The following CHRNA3 variants were observed in gnomAD, a reference collection of about 807,000 sequenced individuals.
The protein encoded by CHRNA3 is cholinergic receptor nicotinic alpha 3 subunit.
A neutral mutation model predicts 41.9 loss-of-function variants in CHRNA3; 34 were observed. The ratio of observed to expected loss-of-function variants is 0.81; its 90% CI spans 0.62 to 1.08. The LOEUF is 1.08. CHRNA3 is among the 50% of genes least tolerant of loss of function. The pLI, the probability that CHRNA3 is intolerant of heterozygous loss-of-function variation, is 0.00. For missense variants in CHRNA3, 542 were observed against 638.3 expected (o/e 0.85, Z 1.63); for synonymous variants, 281 against 265.2 (o/e 1.06, Z -0.58).
rs747603633 is a variant in CHRNA3 at position 78,601,344 on chromosome 15, G to A, written c.1298C>T (p.Ser433Phe). 5 of 1,614,168 alleles carry A rather than the reference G, an allele frequency of 3.1e-6. No individual in the cohort carries two copies. The highest frequency in any genetic ancestry group is 4.5e-5 in the East Asian group (2 of 44,876). Residue 433 changes from serine to phenylalanine, a missense_variant, in exon 5 of 6, where the codon TCC becomes TTC. Coordinates refer to ENST00000326828, the MANE Select transcript of CHRNA3 (RefSeq NM_000743.5). Reference sequence around the variant, plus strand: ...GATTTCTGGTGACAAAGCAGAGAGGGACAGCACAGCATCAACAGATTCAGA... The same window carrying A: ...GATTTCTGGTGACAAAGCAGAGAGGAACAGCACAGCATCAACAGATTCAGA... ...SSSESVDAVL[S>F]LSALSPEIKE... is the part of the protein sequence containing the mutation.
intron 4 of CHRNA3, among the ~76,000 whole-genome samples, chr15:78,613,564 C>A (rs1162770497): frequency 2.0e-5 from 2 of 100,520 alleles, no homozygotes; most frequent in Admixed American, 1.4e-4. Context: ...ACACCAGGGA[C>A]TGTTGTGGGG....
At chr15:78,613,777 C>CA (rs1412843868) in intron 4 of CHRNA3, among the ~76,000 whole-genome samples, 37 of 123,202 alleles carry the variant, frequency 3.0e-4, no homozygotes, top group Non-Finnish European at 4.6e-4. Context: ...AAAAAAAAAC[C>CA]AAAAAAAACC....
At chr15:78,615,739 ATTTTT>A (rs532401932) in intron 4 of CHRNA3, among the ~76,000 whole-genome samples, 15 of 101,856 alleles carry the variant, frequency 1.5e-4, no homozygotes, top group African/African-American at 5.0e-4. Context: ...AGGCACCTGT[ATTTTT>A]TTTTTTTTTT....
chr15:78,595,255 A>G, downstream of CHRNA3: 1 of 979,424 alleles, frequency 1.0e-6, no homozygotes, highest in South Asian at 4.7e-5. Flanking sequence ...TTTTATATAT[A>G]AATTTTTATC....
chr15:78,617,243 C>T (rs1044840764), intron 3 of CHRNA3, 110 bp from the exon 4 acceptor site: 9 of 674,484 alleles, frequency 1.3e-5, no homozygotes, highest in South Asian at 5.2e-5. Flanking sequence ...TGCATGTGAC[C>T]GAACCACATC....
Position 78,595,363 on chromosome 15 carries a change from A to G in CHRNA3, c.*1241T>C, listed in dbSNP as rs1321068993. The G allele has an allele frequency of 1.2e-6, 1 of 809,896 alleles. No homozygotes were observed. The highest frequency in any genetic ancestry group is 1.4e-6 in the Non-Finnish European group (1 of 712,728). The allele number at this position is 809,896 out of a possible 1,614,324, so 50.2% of individuals were successfully genotyped here. ...GGAAAAACTAGTGAGACAAGATTCA[A>G]ACAGTCTCTGTGAATCATCTGTCAG... is the stretch of plus-strand genomic sequence containing the variant. On this transcript the variant is annotated 3_prime_UTR_variant, in exon 6 of 6. Transcript: ENST00000326828.
chr15:78,611,060 G>T (rs1420713413), intron 4 of CHRNA3, among the ~76,000 whole-genome samples: 1 of 152,038 alleles, frequency 6.6e-6, no homozygotes, highest in Admixed American at 6.6e-5. Context: ...AACAGGAGCT[G>T]AAATTGTGGC....
At chr15:78,609,622 A>G (rs1018571197) in intron 4 of CHRNA3, among the ~76,000 whole-genome samples, 1 of 152,192 alleles carries the variant, frequency 6.6e-6, no homozygotes, top group Non-Finnish European at 1.5e-5. Context: ...CACTGCAAAA[A>G]CATGCCAAAA....
chr15:78,620,387 G>GGCAGCGCGGGGCAGGGCGACGT, intron 1 of CHRNA3: 1 of 352,850 alleles, frequency 2.8e-6, no homozygotes, highest in Non-Finnish European at 5.1e-6. Flanking sequence ...CAGGGCGACG[G>GGCAGCGCGGGGCAGGGCGACGT]GCAGCGCGGG....
chr15:78,601,576 T>C lies in CHRNA3; in HGVS notation c.1066A>G (p.Met356Val). 6.2e-7 allele frequency: 1 copy of C among 1,614,174 alleles called. No homozygotes were observed. The highest frequency in any genetic ancestry group is 1.3e-5 in the African/African-American group (1 of 75,036). Residue 356 changes from methionine to valine, a missense_variant, in exon 5 of 6, where the codon ATG becomes GTG. Physicochemically the swap from Met to Val is conservative, Grantham distance 21. Transcript: ENST00000326828. ...FLNLLPRVMF[M>V]TRPTSNEGNA... ...CCCTCGTTGCTTGTTGGCCTGGTCA[T>C]GAACATGACCCTGGGGAGCAGGTTC...
intron 3 of CHRNA3, among the ~76,000 whole-genome samples, 155 bp from the exon 4 acceptor site, chr15:78,617,288 G>C (rs550082090): frequency 2.0e-5 from 3 of 152,260 alleles, no homozygotes; most frequent in Admixed American, 6.5e-5. Context: ...TTCTCCTGTG[G>C]GTGTAGTGCA....
chr15:78,599,339 A>G (rs766306634), intron 5 of CHRNA3, among the ~76,000 whole-genome samples: 10 of 152,112 alleles, frequency 6.6e-5, no homozygotes, highest in Admixed American at 2.6e-4. Flanking sequence ...TGAGTCACAG[A>G]TGTTAGGCAA....
intron 4 of CHRNA3, among the ~76,000 whole-genome samples, chr15:78,603,059 C>T (rs148907305): frequency 0.016 from 2,382 of 152,254 alleles, 54 homozygotes; most frequent in African/African-American, 0.054. Context: ...GAGTCTCACT[C>T]TGTTGCCCAG....
chr15:78,617,137 G>A lies in CHRNA3; in HGVS notation c.268-4C>T, dbSNP rs75033606. 36 of 1,591,352 alleles carry A rather than the reference G, an allele frequency of 2.3e-5. No individual in the cohort carries two copies. Among genetic ancestry groups the A allele is most frequent in the East Asian group, 6.7e-5 (3 of 44,788 alleles). ...TCAGCTTGTAGTCATTCCAGATCTC[G>A]GGGAAGGAAGCAGGGAGGGAGAAGG... On this transcript the variant is annotated splice_polypyrimidine_tract_variant and splice_region_variant and intron_variant, in intron 3 of 5. Coordinates refer to ENST00000326828, the MANE Select transcript of CHRNA3 (RefSeq NM_000743.5).
chr15:78,613,335 G>T (rs1391650511), intron 4 of CHRNA3, among the ~76,000 whole-genome samples: 1 of 151,946 alleles, frequency 6.6e-6, no homozygotes, highest in Non-Finnish European at 1.5e-5. Context: ...GTCCAACAAG[G>T]ATAGACTGGA....
At chr15:78,605,121 G>C (rs2141330178) in intron 4 of CHRNA3, among the ~76,000 whole-genome samples, 1 of 152,228 alleles carries the variant, frequency 6.6e-6, no homozygotes, top group South Asian at 2.1e-4. Context: ...AAAAAGAAAA[G>C]GTAGTATGGG....
intron 5 of CHRNA3, among the ~76,000 whole-genome samples, chr15:78,599,057 C>T (rs1341844995): frequency 2.0e-5 from 3 of 151,898 alleles, no homozygotes; most frequent in South Asian, 2.1e-4. Context: ...CCAGGCTGGT[C>T]TTGAACTCCC....
intron 1 of CHRNA3, chr15:78,619,130 G>T (rs971401432): frequency 2.5e-5 from 15 of 594,968 alleles, no homozygotes; most frequent in African/African-American, 2.4e-4. Flanking sequence ...CGCATTCAGT[G>T]AGAAGCACAG....
chr15:78,599,741 T>C (rs566825322), intron 5 of CHRNA3, among the ~76,000 whole-genome samples: 206 of 68,422 alleles, frequency 3.0e-3, no homozygotes, highest in Admixed American at 5.1e-3. Flanking sequence ...AAAGGCCAGG[T>C]GTGGTGGATC....
Sources: gnomAD v4.1 joint callset for allele counts (sites outside exome capture counted in the v4.1 genomes callset) on GRCh38, gnomAD v4.1.1 for gene constraint, MANE v1.5 for transcripts, NCBI Gene and HGNC (gene_info 2026-07-23, HGNC 2026-07-21) for gene names.